ADCY2: variants seen among roughly 807,000 people sequenced by gnomAD.
The protein encoded by ADCY2 is adenylate cyclase type 2.
A neutral mutation model predicts 125.2 loss-of-function variants in ADCY2; 31 were observed. The ratio of observed to expected loss-of-function variants is 0.25; its 90% CI spans 0.19 to 0.33. The LOEUF (loss-of-function observed/expected upper bound fraction) is 0.33. Ranked by LOEUF, ADCY2 falls within the 10% of genes least tolerant of loss-of-function variation. ADCY2 has a pLI of 1.00. For missense variants in ADCY2, 904 were observed against 1,418.2 expected, an observed-to-expected ratio of 0.64 and a Z score of 5.82; for synonymous variants, 512 against 548.4, an observed-to-expected ratio of 0.93 and a Z score of 0.93.
chr5:7,680,360 G>A (rs1353948802), intron 4 of ADCY2, among the ~76,000 whole-genome samples: 3 of 152,146 alleles, frequency 2.0e-5, no homozygotes, highest in Non-Finnish European at 4.4e-5. Context: ...TGCTGATAGC[G>A]CTGAGGGTGA....
chr5:7,610,614 G>T (rs1737545633), intron 3 of ADCY2, among the ~76,000 whole-genome samples: 1 of 152,166 alleles, frequency 6.6e-6, no homozygotes, highest in African/African-American at 2.4e-5. Flanking sequence ...GGAGAAGATG[G>T]AAGGATGTGT....
chr5:7,766,325 G>A (rs977774883), intron 16 of ADCY2, among the ~76,000 whole-genome samples: 9 of 152,124 alleles, frequency 5.9e-5, no homozygotes, highest in Non-Finnish European at 1.2e-4. Flanking sequence ...AAAGCATTCC[G>A]AAGGCTCCGA....
intron 3 of ADCY2, among the ~76,000 whole-genome samples, chr5:7,624,533 G>A (rs536482967): frequency 6.6e-6 from 1 of 152,260 alleles, no homozygotes; most frequent in African/African-American, 2.4e-5. Flanking sequence ...GGGGGAGGAT[G>A]GGGTAAGATG....
chr5:7,449,636 G>C (rs770452242), intron 2 of ADCY2, among the ~76,000 whole-genome samples: 1 of 152,196 alleles, frequency 6.6e-6, no homozygotes, highest in Non-Finnish European at 1.5e-5. Context: ...AAGAAAAGGA[G>C]TTGATTTTCC....
At chr5:7,595,824 A>C (rs1337091212) in intron 3 of ADCY2, among the ~76,000 whole-genome samples, 1 of 152,180 alleles carries the variant, frequency 6.6e-6, no homozygotes, top group East Asian at 1.9e-4. Flanking sequence ...AATGCCATGT[A>C]AATAGTTGGC....
intron 3 of ADCY2, 56 bp downstream of exon 3, chr5:7,520,955 A>G: frequency 6.2e-7 from 1 of 1,601,732 alleles, no homozygotes; most frequent in Non-Finnish European, 8.5e-7. Flanking sequence ...CCAGGGGGTG[A>G]GGCAGGTGCT....
intron 14 of ADCY2, among the ~76,000 whole-genome samples, chr5:7,734,800 C>CT (rs1742198282): frequency 6.6e-6 from 1 of 152,162 alleles, no homozygotes; most frequent in Admixed American, 6.5e-5. Context: ...GACTGTGTAG[C>CT]TTAGGAGCAA....
rs370823135 is a variant in ADCY2, at chr5:7,670,758, A to G, written c.721-19933A>G. ...AGATCCCTCCCGTGCACAGTTTACT[A>G]TAGCGTCCATGCTTCTGTGAGAATC... is the stretch of plus-strand genomic sequence containing the variant. On this transcript the variant is annotated intron_variant, in intron 4 of 24. Transcript: ENST00000338316. Among the ~76,000 whole-genome samples, 14 of 152,320 alleles carry G rather than the reference A, an allele frequency of 9.2e-5. No individual in the cohort carries two copies. In the South Asian group the frequency reaches 2.1e-3, roughly 23 times the overall value.
intron 22 of ADCY2, among the ~76,000 whole-genome samples, chr5:7,810,803 C>T (rs1744916593): frequency 6.6e-6 from 1 of 152,288 alleles, no homozygotes; most frequent in Non-Finnish European, 1.5e-5. Flanking sequence ...TCCCTATTGC[C>T]TCATTCCTTC....
intron 15 of ADCY2, among the ~76,000 whole-genome samples, chr5:7,751,978 T>C: frequency 6.6e-6 from 1 of 152,122 alleles, no homozygotes; most frequent in South Asian, 2.1e-4. Flanking sequence ...TAACAAACAC[T>C]ATACTGGCCT....
At chr5:7,650,587 G>A (rs1007219621) in intron 4 of ADCY2, among the ~76,000 whole-genome samples, 2 of 152,144 alleles carry the variant, frequency 1.3e-5, no homozygotes, top group African/African-American at 2.4e-5. Flanking sequence ...AGCCCACTGC[G>A]TGGGAGCCTC....
chr5:7,606,408 G>A (rs1048626252), intron 3 of ADCY2, among the ~76,000 whole-genome samples: 4 of 152,068 alleles, frequency 2.6e-5, no homozygotes, highest in South Asian at 2.1e-4. Flanking sequence ...AAAATGAAGG[G>A]GAAGCCTGGA....
At chr5:7,730,549 G>A (rs74786889) in intron 14 of ADCY2, among the ~76,000 whole-genome samples, 2 of 152,018 alleles carry the variant, frequency 1.3e-5, no homozygotes, top group Non-Finnish European at 2.9e-5. Context: ...TGATTTGTTA[G>A]GGTTTTTGGA....
chr5:7,621,088 G>C (rs1204551516), intron 3 of ADCY2, among the ~76,000 whole-genome samples: 1 of 152,188 alleles, frequency 6.6e-6, no homozygotes, highest in African/African-American at 2.4e-5. Context: ...CAAGGGATCT[G>C]AGTGGTCACC....
At position 7,757,408 on chromosome 5, in the gene ADCY2, C is replaced by T. The variant is rs777733792; in HGVS notation, c.1957-41C>T. ...CATCAAGAAACTGGAGAGAAGTCAT[C>T]AGCTAGCAATGCTTCTCTTTTTCTT... On this transcript the variant is annotated intron_variant, in intron 15 of 24. Transcript: ENST00000338316. The T allele has an allele frequency of 2.5e-6, 4 of 1,600,458 alleles. No homozygotes were observed. The Admixed American group carries it at 6.9e-5, about 27-fold the overall frequency.
At position 7,488,765 on chromosome 5, in the gene ADCY2, G is replaced by A. The variant is rs749918845; in HGVS notation, c.409-31973G>A. 1.4e-4 allele frequency among the ~76,000 whole-genome samples: 22 copies of A among 152,120 alleles called. No individual in the cohort carries two copies. In the Middle Eastern group the frequency reaches 0.01, roughly 71 times the overall value. On this transcript the variant is annotated intron_variant, in intron 2 of 24. Coordinates refer to ENST00000338316, the MANE Select transcript of ADCY2 (RefSeq NM_020546.3). ...CGAGGCCAGTGTCCTGAGCATTCTC[G>A]CCCCTAGATCCCTTTGCCCATTTCT... is the stretch of plus-strand genomic sequence containing the variant.
chr5:7,471,488 A>G (rs1160332675), intron 2 of ADCY2, among the ~76,000 whole-genome samples: 1 of 152,014 alleles, frequency 6.6e-6, no homozygotes, highest in African/African-American at 2.4e-5. Flanking sequence ...TAAGGCACTT[A>G]TAACAATAGA....
chr5:7,618,217 C>T (rs1579240474), intron 3 of ADCY2, among the ~76,000 whole-genome samples: 1 of 152,182 alleles, frequency 6.6e-6, no homozygotes, highest in East Asian at 1.9e-4. Context: ...CTTGTCTCTC[C>T]ATTGTCTTCT....
intron 3 of ADCY2, among the ~76,000 whole-genome samples, chr5:7,577,499 A>G (rs1211780520): frequency 6.6e-6 from 1 of 152,138 alleles, no homozygotes; most frequent in Non-Finnish European, 1.5e-5. Context: ...ATTTGTACCT[A>G]AGGAATAAAG....
Sources: allele counts gnomAD v4.1 joint callset (sites outside exome capture counted in the v4.1 genomes callset), GRCh38; gene constraint gnomAD v4.1.1; transcripts MANE v1.5; gene names NCBI Gene and HGNC (gene_info 2026-07-23, HGNC 2026-07-21).